Variants in INO80 observed in about 807,000 individuals in gnomAD.
INO80 encodes the protein INO80 complex ATPase subunit, also known as chromatin-remodeling ATPase INO80.
In INO80, 20 loss-of-function variants were observed where a neutral mutation model predicts 203.4. The ratio of observed to expected loss-of-function variants is 0.10; its 90% confidence interval spans 0.07 to 0.14. The LOEUF (loss-of-function observed/expected upper bound fraction) is 0.14, where lower values mean the gene tolerates loss of function less well. Among genes scored for constraint, INO80 ranks in the 10% least tolerant of loss-of-function variants. INO80 has a pLI of 1.00. For missense variants in INO80, 1,419 were observed against 1,914.4 expected, an observed-to-expected ratio of 0.74 and a Z score of 4.83; for synonymous variants, 726 against 685.2, an observed-to-expected ratio of 1.06 and a Z score of -0.93.
At chr15:41,004,356 C>T (rs535681629) in intron 28 of INO80, among the ~76,000 whole-genome samples, 1 of 152,290 alleles carries the variant, frequency 6.6e-6, no homozygotes, top group African/African-American at 2.4e-5. Flanking sequence ...CTGAATTAAA[C>T]TATGCTTTAG....
At chr15:41,018,196 G>A (rs1175243292) in intron 26 of INO80, 1 of 151,680 alleles carries the variant, frequency 6.6e-6, no homozygotes. Flanking sequence ...TAAGATTTCT[G>A]TAGCCTGCTT....
At chr15:41,037,208 TTTTTA>T (rs2044592563) in intron 24 of INO80, among the ~76,000 whole-genome samples, 2 of 152,050 alleles carry the variant, frequency 1.3e-5, no homozygotes, top group African/African-American at 4.8e-5. Flanking sequence ...ACTTTTTTTT[TTTTTA>T]ATGTTAAGCT....
At chr15:41,106,570 G>A (rs2045883755) in intron 1 of INO80, among the ~76,000 whole-genome samples, 1 of 151,932 alleles carries the variant, frequency 6.6e-6, no homozygotes, top group African/African-American at 2.4e-5. Context: ...GGAAGGTCAT[G>A]GCTGCAGTGA....
chr15:41,000,254 CT>C (rs959168365), intron 28 of INO80, among the ~76,000 whole-genome samples: 3 of 151,918 alleles, frequency 2.0e-5, no homozygotes, highest in African/African-American at 7.3e-5. Context: ...ATGGCTAGGA[CT>C]TTTTTTTGTT....
intron 1 of INO80, among the ~76,000 whole-genome samples, chr15:41,111,310 G>A (rs1178066381): frequency 6.6e-6 from 1 of 152,182 alleles, no homozygotes; most frequent in Non-Finnish European, 1.5e-5. Context: ...GCTGGGTGTG[G>A]TGGCACATGC....
chr15:40,995,317 G>C (rs2043867473), intron 29 of INO80, among the ~76,000 whole-genome samples: 1 of 152,202 alleles, frequency 6.6e-6, no homozygotes, highest in Admixed American at 6.5e-5. Flanking sequence ...AAGTTCACCA[G>C]GTGGAAGAGG....
chr15:41,068,886 A>G (rs1224038716), intron 14 of INO80, among the ~76,000 whole-genome samples: 4 of 152,186 alleles, frequency 2.6e-5, no homozygotes, highest in Admixed American at 2.6e-4. Flanking sequence ...CAAGACATGT[A>G]TTAAAAAAAA....
intron 24 of INO80, among the ~76,000 whole-genome samples, chr15:41,035,730 G>A (rs554674088): frequency 7.0e-6 from 1 of 142,926 alleles, no homozygotes; most frequent in African/African-American, 2.6e-5. Flanking sequence ...GCTGACGCAG[G>A]AGAATGGCGT....
At chr15:40,986,201 G>T (rs1349692256) in intron 31 of INO80, among the ~76,000 whole-genome samples, 6 of 151,690 alleles carry the variant, frequency 4.0e-5, no homozygotes, top group Admixed American at 2.0e-4. Context: ...TTTCTGGGCA[G>T]AAGAGCAAAT....
intron 18 of INO80, among the ~76,000 whole-genome samples, chr15:41,054,294 T>C (rs185789302): frequency 2.1e-3 from 319 of 152,322 alleles, no homozygotes; most frequent in African/African-American, 7.0e-3. Flanking sequence ...GTTGTAAGTA[T>C]AAGAAAAATT....
intron 33 of INO80, 107 bp from the exon 34 acceptor site, chr15:40,984,028 G>T (rs1171489336): frequency 7.1e-7 from 1 of 1,416,004 alleles, no homozygotes; most frequent in Non-Finnish European, 9.8e-7. Context: ...TGGCTTCTGA[G>T]AAACCAACCT....
At chr15:41,033,145 C>T (rs937129628) in intron 24 of INO80, among the ~76,000 whole-genome samples, 2 of 152,176 alleles carry the variant, frequency 1.3e-5, no homozygotes, top group South Asian at 4.1e-4. Flanking sequence ...AGAATCAATA[C>T]TGGTACTGTA....
intron 2 of INO80, 22 bp from the exon 3 acceptor site, chr15:41,095,950 C>T (rs1207126191): frequency 5.6e-6 from 9 of 1,604,390 alleles, no homozygotes; most frequent in Non-Finnish European, 6.8e-6. Flanking sequence ...AGAATGAGTC[C>T]ACAATTACAG....
Position 41,095,876 on chromosome 15 carries a change from C to A in INO80, c.196G>T (p.Gly66Trp). ...DDSNPLLPQS[G>W]DPLIQVKEEP... Reference sequence around the variant, plus strand: ...TCCTTAACTTGTATTAAGGGATCCCCAGACTGGGGCAATAATGGATTACTG... The same window carrying A: ...TCCTTAACTTGTATTAAGGGATCCCAAGACTGGGGCAATAATGGATTACTG... Residue 66 changes from glycine to tryptophan, a missense_variant, in exon 3 of 36, where the codon GGG becomes TGG. By Grantham distance (184) the Gly-to-Trp change is radical. Around this residue, in one of 9 missense-constraint regions of INO80, gnomAD observed 323 missense variants for 325.4 expected, o/e 0.99. Coordinates refer to ENST00000648947, the MANE Select transcript of INO80 (RefSeq NM_017553.3). The A allele has an allele frequency of 1.2e-6, 2 of 1,614,018 alleles. No individual in the cohort carries two copies. Among genetic ancestry groups the A allele is most frequent in the Non-Finnish European group, 1.7e-6 (2 of 1,179,936 alleles).
Position 41,096,299 on chromosome 15 carries a change from C to T in INO80, c.12G>A (p.Glu4=), listed in dbSNP as rs1484648000. The T allele has an allele frequency of 3.8e-6, 6 of 1,595,216 alleles. No homozygotes were observed. The highest frequency in any genetic ancestry group is 3.4e-5 in the South Asian group (3 of 87,776). The change falls in exon 2 of 36, where the codon GAG becomes GAA. Residue 4 remains glutamate (E), a synonymous_variant. Transcript: ENST00000648947. MAS[E]LGARDDGGCT... ...AGCCTCCATCATCCCTGGCACCCAA[C>T]TCCGAGGCCATAGAACAAATCTGTC... is the stretch of plus-strand genomic sequence containing the variant.
At chr15:41,074,203 T>C (rs942745042) in intron 10 of INO80, among the ~76,000 whole-genome samples, 167 bp downstream of exon 10, 1 of 152,106 alleles carries the variant, frequency 6.6e-6, no homozygotes, top group Non-Finnish European at 1.5e-5. Flanking sequence ...TAAATGGTCT[T>C]ATACTTCTGT....
chr15:41,058,829 T>A, intron 15 of INO80, 48 bp from the exon 16 acceptor site: 1 of 1,572,120 alleles, frequency 6.4e-7, no homozygotes, highest in Non-Finnish European at 8.7e-7. Flanking sequence ...TAATAATTCA[T>A]AATAAGGAAC....
At chr15:41,034,028 C>T (rs2925347) in intron 24 of INO80, among the ~76,000 whole-genome samples, 138 of 152,254 alleles carry the variant, frequency 9.1e-4, no homozygotes, top group Non-Finnish European at 1.6e-3. Context: ...TGCCACTGCA[C>T]TCCAGTCTTG....
chr15:41,046,531 A>C (rs2044770900), intron 23 of INO80, among the ~76,000 whole-genome samples: 1 of 147,466 alleles, frequency 6.8e-6, no homozygotes, highest in African/African-American at 2.5e-5. Flanking sequence ...TGGCCTATTT[A>C]AGATATATTA....
Sources: gnomAD v4.1 joint callset for allele counts (sites outside exome capture counted in the v4.1 genomes callset) on GRCh38, gnomAD v4.1.1 for gene constraint, gnomAD v4.1.1 regional missense constraint, MANE v1.5 for transcripts, NCBI Gene and HGNC (gene_info 2026-07-23, HGNC 2026-07-21) for gene names.